TPP2: variants seen among roughly 807,000 people sequenced by gnomAD.
The protein encoded by TPP2 is tripeptidyl peptidase 2.
TPP2 carries 34 observed loss-of-function variants against 155.9 expected under a neutral mutation model. The observed-to-expected ratio is 0.22, with a 90% confidence interval of 0.17 to 0.29. The LOEUF is 0.29. TPP2 is among the 10% of genes least tolerant of loss of function. TPP2 has a pLI of 1.00. For synonymous variants in TPP2, 510 were observed against 529.4 expected (o/e 0.96, Z 0.50); for missense variants, 1,028 against 1,522.3 (o/e 0.68, Z 5.40).
intron 16 of TPP2, among the ~76,000 whole-genome samples, chr13:102,641,835 C>T (rs1356348392): frequency 6.6e-6 from 1 of 152,154 alleles, no homozygotes; most frequent in Non-Finnish European, 1.5e-5. Flanking sequence ...GGTTGTACTA[C>T]ACTCATTCAT....
rs147224159 is a variant in TPP2, at chr13:102,627,305, T to G, written c.939+139T>G. 9.6e-6 allele frequency: 6 copies of G among 626,678 alleles called. No homozygotes were observed. The East Asian group carries it at 2.4e-4, about 25-fold the overall frequency. 38.8% of individuals were successfully genotyped at this position (626,678 alleles called of 1,614,324 possible). A position where few individuals can be genotyped will look rare whatever the true frequency, so the allele number is the denominator to read the frequency against. On this transcript the variant is annotated intron_variant, in intron 7 of 29. Coordinates refer to ENST00000376052, the MANE Select transcript of TPP2 (RefSeq NM_001330588.2). ...CAGGACTTTTAACAAAGCAAAAATATTTACTAATTTATTTTTAAATTATTT... is the reference window on the plus strand; with the variant it reads ...CAGGACTTTTAACAAAGCAAAAATAGTTACTAATTTATTTTTAAATTATTT...
chr13:102,655,132 T>C (rs1406392444), intron 24 of TPP2: 3 of 454,194 alleles, frequency 6.6e-6, no homozygotes, highest in Non-Finnish European at 1.3e-5. Context: ...AATGAGTCAG[T>C]GTGGAGATAG....
intron 25 of TPP2, among the ~76,000 whole-genome samples, chr13:102,659,191 A>T (rs1253993999): frequency 1.3e-5 from 2 of 152,202 alleles, no homozygotes; most frequent in Admixed American, 6.5e-5. Context: ...AGAAAAAAGG[A>T]ATGAAAAAAA....
rs546838166 is a variant in TPP2 at position 102,651,630 on chromosome 13, G to C, written c.2991+233G>C. ...TTCCTGGATGACTCATTTTCTCTGT[G>C]TATACAAAAATTTTAATGCTATTCA... On this transcript the variant is annotated intron_variant, in intron 24 of 29. Coordinates refer to ENST00000376052, the MANE Select transcript of TPP2 (RefSeq NM_001330588.2). Among the ~76,000 whole-genome samples the C allele has an allele frequency of 3.7e-4, 54 of 147,556 alleles. 1 individual carries two copies. Among genetic ancestry groups the C allele is most frequent in the African/African-American group, 1.4e-3 (54 of 39,948 alleles).
Position 102,644,682 on chromosome 13 carries a change from C to T in TPP2, c.2292+9C>T, listed in dbSNP as rs757089365. 1.3e-6 allele frequency: 2 copies of T among 1,582,984 alleles called. No individual in the cohort carries two copies. The highest frequency in any genetic ancestry group is 3.7e-5 in the Admixed American group (2 of 53,922). ...CTCCTCAGTTAAACATTGTAAGTTC[C>T]ACAACATTTTCATGATTTTTAATGT... On this transcript the variant is annotated intron_variant, in intron 18 of 29. Transcript: ENST00000376052.
At position 102,604,779 on chromosome 13, in the gene TPP2, T is replaced by G. The variant is rs775033402; in HGVS notation, c.166-14T>G. Reference sequence around the variant, plus strand: ...AAAATCTACCATTCATATTTTAATTTTCTTAATTTTCAGGTTACAACTGAT... The same window carrying G: ...AAAATCTACCATTCATATTTTAATTGTCTTAATTTTCAGGTTACAACTGAT... On this transcript the variant is annotated splice_polypyrimidine_tract_variant and intron_variant, in intron 1 of 29. Coordinates refer to ENST00000376052, the MANE Select transcript of TPP2 (RefSeq NM_001330588.2). The G allele has an allele frequency of 6.3e-7, 1 of 1,599,684 alleles. No homozygotes were observed. The highest frequency in any genetic ancestry group is 1.1e-5 in the South Asian group (1 of 88,164).
At chr13:102,623,355 G>T (rs112288369) in intron 6 of TPP2, among the ~76,000 whole-genome samples, 1 of 152,116 alleles carries the variant, frequency 6.6e-6, no homozygotes, top group Admixed American at 6.5e-5. Flanking sequence ...CCTGAGGCTG[G>T]GAGTTTGAGA....
intron 2 of TPP2, among the ~76,000 whole-genome samples, chr13:102,608,277 A>G (rs1023176192): frequency 4.6e-5 from 7 of 152,108 alleles, no homozygotes; most frequent in East Asian, 1.9e-4. Flanking sequence ...ACATGCTAAT[A>G]TTTTTTATTT....
chr13:102,676,066 T>C lies in TPP2; in HGVS notation c.3580-230T>C, dbSNP rs577181142. On this transcript the variant is annotated intron_variant, in intron 28 of 29. Transcript: ENST00000376052. The stretch of plus-strand genomic sequence containing the variant: ...TTTTTAAGTGGATTTCCACGGCTAA[T>C]AATTTCTCATATTAGTTTTCTTCCC... 3.3e-5 allele frequency among the ~76,000 whole-genome samples: 5 copies of C among 152,286 alleles called. No homozygotes were observed. The South Asian group carries it at 1.0e-3, about 32-fold the overall frequency.
intron 19 of TPP2, 134 bp downstream of exon 19, chr13:102,645,143 A>T: frequency 1.2e-6 from 1 of 821,980 alleles, no homozygotes; most frequent in South Asian, 1.9e-5. Flanking sequence ...TTGCCAGCAG[A>T]TCTCTGCAAG....
chr13:102,660,218 C>T (rs1282474510), intron 25 of TPP2, among the ~76,000 whole-genome samples: 1 of 150,876 alleles, frequency 6.6e-6, no homozygotes, highest in East Asian at 2.0e-4. Flanking sequence ...TGAAAAAAAT[C>T]ATTAAATAAA....
At chr13:102,649,643 A>G (rs1484225993) in intron 23 of TPP2, among the ~76,000 whole-genome samples, 157 bp downstream of exon 23, 1 of 152,194 alleles carries the variant, frequency 6.6e-6, no homozygotes, top group African/African-American at 2.4e-5. Flanking sequence ...AGTGAAAGTC[A>G]GTTAATATTT....
intron 15 of TPP2, 53 bp downstream of exon 15, chr13:102,638,368 A>C: frequency 6.5e-7 from 1 of 1,544,902 alleles, no homozygotes; most frequent in Non-Finnish European, 8.9e-7. Flanking sequence ...TTTAATGACT[A>C]TTCATGGAGT....
chr13:102,605,819 G>T (rs1879785118), intron 2 of TPP2, among the ~76,000 whole-genome samples: 1 of 151,764 alleles, frequency 6.6e-6, no homozygotes, highest in South Asian at 2.1e-4. Context: ...CGCCTCCCGG[G>T]TTCTAGCAAT....
At chr13:102,658,879 T>G (rs2139576234) in intron 25 of TPP2, among the ~76,000 whole-genome samples, 2 of 146,798 alleles carry the variant, frequency 1.4e-5, no homozygotes, top group South Asian at 4.1e-4. Flanking sequence ...GGGGCTCTCT[T>G]GTAAAGTACT....
intron 27 of TPP2, among the ~76,000 whole-genome samples, chr13:102,668,042 C>T (rs563750960): frequency 7.9e-5 from 12 of 152,212 alleles, no homozygotes; most frequent in African/African-American, 2.9e-4. Flanking sequence ...TTGTCGACCC[C>T]CAAGTAGAGA....
At position 102,622,901 on chromosome 13, in the gene TPP2, T is replaced by C. The variant is rs777027728; in HGVS notation, c.645T>C (p.Asp215=). 1.2e-6 allele frequency: 2 copies of C among 1,612,822 alleles called. No homozygotes were observed. Among genetic ancestry groups the C allele is most frequent in the South Asian group, 2.2e-5 (2 of 90,692 alleles). The change falls in exon 6 of 30, where the codon GAT becomes GAC. Residue 215 remains aspartate (D), a synonymous_variant. Coordinates refer to ENST00000376052, the MANE Select transcript of TPP2 (RefSeq NM_001330588.2). ...GAGCCTGCATTGATTCTAATGAAGA[T>C]GGGGACTTGAGTAAATCTACCGTGT... ...VWRACIDSNE[D]GDLSKSTVLR...
At position 102,599,087 on chromosome 13, in the gene TPP2, A is replaced by G. The variant is rs116399993; in HGVS notation, c.165+1884A>G. Among the ~76,000 whole-genome samples the G allele has an allele frequency of 6.0e-3, 910 of 152,218 alleles. 12 individuals carry two copies. Among genetic ancestry groups the G allele is most frequent in the African/African-American group, 0.021 (863 of 41,518 alleles). ...CGTGGTACCCAGTAGGTAGTGTTTC[A>G]GTCTTATTTCCACCCCTTCCCTTTG... On this transcript the variant is annotated intron_variant, in intron 1 of 29. Coordinates refer to ENST00000376052, the MANE Select transcript of TPP2 (RefSeq NM_001330588.2).
At chr13:102,624,626 A>G (rs1200027902) in intron 6 of TPP2, among the ~76,000 whole-genome samples, 1 of 152,158 alleles carries the variant, frequency 6.6e-6, no homozygotes, top group Non-Finnish European at 1.5e-5. Context: ...TCCTTCACTC[A>G]GCATAATGAT....
Sources: gnomAD v4.1 joint callset for allele counts (sites outside exome capture counted in the v4.1 genomes callset) on GRCh38, gnomAD v4.1.1 for gene constraint, MANE v1.5 for transcripts, NCBI Gene and HGNC (gene_info 2026-07-23, HGNC 2026-07-21) for gene names.